Variants in COG5 observed in about 807,000 individuals in gnomAD.
COG5 encodes component of oligomeric golgi complex 5, also known as conserved oligomeric Golgi complex subunit 5.
In COG5, 86 loss-of-function variants were observed where a neutral mutation model predicts 110.4. The ratio of observed to expected loss-of-function variants is 0.78; its 90% confidence interval spans 0.65 to 0.93. The LOEUF (loss-of-function observed/expected upper bound fraction) is 0.93, where lower values mean the gene tolerates loss of function less well. COG5 is among the 40% of genes least tolerant of loss of function. COG5 has a pLI of 0.00. For synonymous variants in COG5, 360 were observed against 334.6 expected (o/e 1.08, Z -0.83); for missense variants, 1,077 against 987.0 (o/e 1.09, Z -1.22).
chr7:107,407,741 C>T (rs1791963974), intron 7 of COG5, among the ~76,000 whole-genome samples: 1 of 148,274 alleles, frequency 6.7e-6, no homozygotes, highest in Admixed American at 6.8e-5. Flanking sequence ...AGAATGAATA[C>T]AAAACAAACA....
chr7:107,293,482 C>A (rs540582551), intron 12 of COG5, among the ~76,000 whole-genome samples: 2 of 152,180 alleles, frequency 1.3e-5, no homozygotes, highest in Non-Finnish European at 2.9e-5. Context: ...ATACCACAGG[C>A]TCCAGTTTTT....
intron 6 of COG5, among the ~76,000 whole-genome samples, chr7:107,413,321 T>A (rs945831754): frequency 6.6e-6 from 1 of 151,968 alleles, no homozygotes; most frequent in Non-Finnish European, 1.5e-5. Context: ...GTGGCCTTCA[T>A]CATATTATAT....
At chr7:107,537,870 C>T (rs1801707243) in intron 5 of COG5, among the ~76,000 whole-genome samples, 2 of 152,036 alleles carry the variant, frequency 1.3e-5, no homozygotes, top group Admixed American at 1.3e-4. Context: ...AAATGCAAAT[C>T]AAAATGACAA....
intron 19 of COG5, among the ~76,000 whole-genome samples, chr7:107,221,471 C>T (rs1799920846): frequency 1.3e-5 from 2 of 151,872 alleles, no homozygotes; most frequent in South Asian, 2.1e-4. Context: ...CCAAGAAATG[C>T]TTAACTTTCT....
chr7:107,331,203 C>T lies in COG5; in HGVS notation c.1027-6682G>A, dbSNP rs191878200. Among the ~76,000 whole-genome samples, 65 of 152,172 alleles carry T rather than the reference C, an allele frequency of 4.3e-4. 1 individual carries two copies. The highest frequency in any genetic ancestry group is 3.3e-3 in the Admixed American group (51 of 15,284). Reference sequence around the variant, plus strand: ...TAAGAAAATCATTCTGGGCTGGGCACGGTGGCTCACGCCTGTAATCCCAGC... The same window carrying T: ...TAAGAAAATCATTCTGGGCTGGGCATGGTGGCTCACGCCTGTAATCCCAGC... On this transcript the variant is annotated intron_variant, in intron 10 of 21. Coordinates refer to ENST00000297135, the MANE Select transcript of COG5 (RefSeq NM_006348.5).
intron 7 of COG5, among the ~76,000 whole-genome samples, chr7:107,409,392 T>TCCTG (rs1468564145): frequency 2.0e-5 from 3 of 152,000 alleles, no homozygotes; most frequent in African/African-American, 7.2e-5. Context: ...CCCAGTAGAT[T>TCCTG]ACTGAAAGTA....
intron 5 of COG5, among the ~76,000 whole-genome samples, chr7:107,546,435 G>GTTTTTTTTTTTTTTTTTTTTTTT (rs754919944): frequency 1.7e-5 from 2 of 119,484 alleles, no homozygotes; most frequent in South Asian, 2.9e-4. Flanking sequence ...TTGGTTTTTT[G>GTTTTTTTTTTTTTTTTTTTTTTT]TTTTTTTTTT....
chr7:107,347,510 T>G (rs1466867834), intron 10 of COG5, among the ~76,000 whole-genome samples: 1 of 152,192 alleles, frequency 6.6e-6, no homozygotes, highest in Non-Finnish European at 1.5e-5. Context: ...ACAATAGAAA[T>G]GAATTGCTCT....
intron 11 of COG5, among the ~76,000 whole-genome samples, chr7:107,303,558 G>A (rs866714330): frequency 5.3e-5 from 8 of 151,816 alleles, no homozygotes; most frequent in African/African-American, 1.9e-4. Context: ...CCAAGTAGCT[G>A]GGACCATAGA....
At chr7:107,459,256 T>G (rs944139989) in intron 6 of COG5, among the ~76,000 whole-genome samples, 1 of 152,062 alleles carries the variant, frequency 6.6e-6, no homozygotes, top group Non-Finnish European at 1.5e-5. Context: ...TAAAAAATAG[T>G]CTATATATAT....
intron 19 of COG5, among the ~76,000 whole-genome samples, chr7:107,230,351 A>T (rs1350743020): frequency 6.6e-6 from 1 of 152,146 alleles, no homozygotes; most frequent in Non-Finnish European, 1.5e-5. Context: ...TAAAAAAAAA[A>T]ATTCTCCCCA....
chr7:107,365,424 T>C (rs971333753), intron 8 of COG5, among the ~76,000 whole-genome samples: 2 of 151,604 alleles, frequency 1.3e-5, no homozygotes, highest in African/African-American at 2.4e-5. Context: ...TTGCTGTAGA[T>C]AAGTCAAAAT....
intron 6 of COG5, among the ~76,000 whole-genome samples, chr7:107,469,197 TTAGCGTG>T (rs1293030803): frequency 2.2e-4 from 34 of 151,832 alleles, no homozygotes; most frequent in African/African-American, 8.2e-4. Flanking sequence ...ACTAACAATA[TTAGCGTG>T]TAGCTACATA....
chr7:107,405,302 C>A (rs1488573664), intron 7 of COG5, among the ~76,000 whole-genome samples: 1 of 152,170 alleles, frequency 6.6e-6, no homozygotes, highest in African/African-American at 2.4e-5. Context: ...AGAACAGAGA[C>A]TGAACAATGG....
rs761182181 is a variant in COG5 at position 107,201,437 on chromosome 7, G to C, written c.*2079C>G. On this transcript the variant is annotated 3_prime_UTR_variant, in exon 22 of 22. Transcript: ENST00000297135. The stretch of plus-strand genomic sequence containing the variant: ...AGGGCTCACAACAACATTAAACCAG[G>C]ATGCTTATGTTCTTAAGTCTATATT... 58 of 1,568,390 alleles carry C rather than the reference G, an allele frequency of 3.7e-5. No homozygotes were observed. Among genetic ancestry groups the C allele is most frequent in the Middle Eastern group, 3.3e-4 (2 of 5,982 alleles).
intron 14 of COG5, among the ~76,000 whole-genome samples, chr7:107,264,666 C>T (rs1803655892): frequency 6.6e-6 from 1 of 151,952 alleles, no homozygotes; most frequent in African/African-American, 2.4e-5. Flanking sequence ...GTACTCCAGC[C>T]CGAGCGACAG....
At chr7:107,369,587 C>A (rs1343428049) in intron 8 of COG5, among the ~76,000 whole-genome samples, 1 of 151,800 alleles carries the variant, frequency 6.6e-6, no homozygotes, top group African/African-American at 2.4e-5. Flanking sequence ...GGGGGTTTTA[C>A]CATGTTGGCC....
At chr7:107,391,585 T>G (rs965309344) in intron 7 of COG5, among the ~76,000 whole-genome samples, 1 of 152,168 alleles carries the variant, frequency 6.6e-6, no homozygotes. Context: ...CTTCCCCCTA[T>G]GTTTTCTTCT....
chr7:107,443,486 C>T (rs1006470203), intron 6 of COG5, among the ~76,000 whole-genome samples: 2 of 151,830 alleles, frequency 1.3e-5, no homozygotes, highest in African/African-American at 4.8e-5. Flanking sequence ...CATTGAATTG[C>T]ACAAGTTATA....
Sources: gnomAD v4.1 joint callset for allele counts (sites outside exome capture counted in the v4.1 genomes callset) on GRCh38, gnomAD v4.1.1 for gene constraint, MANE v1.5 for transcripts, NCBI Gene and HGNC (gene_info 2026-07-23, HGNC 2026-07-21) for gene names.